Variants in CDC42SE2 observed in about 807,000 individuals in gnomAD.
The protein encoded by CDC42SE2 is CDC42 small effector 2, also known as CDC42 small effector protein 2.
Under a neutral mutation model 11.5 loss-of-function variants are expected in CDC42SE2, and 3 were observed. The observed-to-expected ratio is 0.26, with a 90% CI of 0.12 to 0.67. The LOEUF (loss-of-function observed/expected upper bound fraction) is 0.67. CDC42SE2 is among the 30% of genes least tolerant of loss of function. CDC42SE2 has a pLI of 0.80. For missense variants in CDC42SE2, 82 were observed against 106.8 expected, an observed-to-expected ratio of 0.77 and a Z score of 1.02; for synonymous variants, 33 against 34.8, an observed-to-expected ratio of 0.95 and a Z score of 0.18.
At chr5:131,261,379 A>G (rs748021593), upstream of CDC42SE2, 1 of 152,262 alleles carries the variant, frequency 6.6e-6, no homozygotes, top group Non-Finnish European at 1.5e-5. Flanking sequence ...ATTAACATTG[A>G]TGAAACACAT....
chr5:131,355,250 T>C (rs975657227), intron 2 of CDC42SE2, among the ~76,000 whole-genome samples: 1 of 152,130 alleles, frequency 6.6e-6, no homozygotes, highest in Non-Finnish European at 1.5e-5. Flanking sequence ...CAATGCAGTA[T>C]TTCATTTTAT....
chr5:131,383,533 TATA>T (rs762962694), intron 3 of CDC42SE2, among the ~76,000 whole-genome samples: 3 of 152,142 alleles, frequency 2.0e-5, no homozygotes, highest in South Asian at 2.1e-4. Flanking sequence ...AGTGAAAAAC[TATA>T]ATAATACAAC....
chr5:131,335,002 C>T (rs1325851883), intron 2 of CDC42SE2, among the ~76,000 whole-genome samples: 1 of 152,102 alleles, frequency 6.6e-6, no homozygotes, highest in Non-Finnish European at 1.5e-5. Context: ...TTCTTGCCTT[C>T]TTCTAGCTTT....
upstream of CDC42SE2, among the ~76,000 whole-genome samples, chr5:131,242,311 G>A (rs527290753): frequency 3.3e-5 from 5 of 152,234 alleles, no homozygotes; most frequent in South Asian, 4.1e-4. Context: ...AAGTGGTGAC[G>A]TTTGTAGTAA....
chr5:131,221,086 A>G, the CDC42SE2 span, among the ~76,000 whole-genome samples: 2 of 151,810 alleles, frequency 1.3e-5, no homozygotes, highest in African/African-American at 2.4e-5. Flanking sequence ...GGGTTTCACC[A>G]TGTTGACCAG....
intron 1 of CDC42SE2, among the ~76,000 whole-genome samples, chr5:131,306,272 A>G (rs1439454500): frequency 6.6e-6 from 1 of 152,168 alleles, no homozygotes; most frequent in Admixed American, 6.6e-5. Context: ...GAATAAACAT[A>G]GTATATCTAG....
At chr5:131,354,711 A>G (rs1330904376) in intron 2 of CDC42SE2, 1 of 152,208 alleles carries the variant, frequency 6.6e-6, no homozygotes, top group Non-Finnish European at 1.5e-5. Context: ...CTATAGCAGA[A>G]TAATGCTATT....
chr5:131,358,392 T>G (rs986485105), intron 2 of CDC42SE2, among the ~76,000 whole-genome samples: 2 of 152,186 alleles, frequency 1.3e-5, no homozygotes, highest in Non-Finnish European at 2.9e-5. Context: ...ACTTCTCTTT[T>G]GCCGCTGCTT....
the CDC42SE2 span, among the ~76,000 whole-genome samples, chr5:131,239,584 AT>A: frequency 6.6e-6 from 1 of 152,006 alleles, no homozygotes; most frequent in African/African-American, 2.4e-5. Context: ...GCCATTTTTT[AT>A]TGTGAACCTA....
At chr5:131,248,261 T>C (rs1301931685) in intron 1 of CDC42SE2, among the ~76,000 whole-genome samples, 2 of 152,162 alleles carry the variant, frequency 1.3e-5, no homozygotes, top group African/African-American at 4.8e-5. Context: ...TGCCTCAGCC[T>C]CCTGAGTAGC....
At chr5:131,258,592 GTACCCTAATT>G (rs1332774004) in intron 2 of CDC42SE2, among the ~76,000 whole-genome samples, 2 of 151,894 alleles carry the variant, frequency 1.3e-5, no homozygotes, top group African/African-American at 4.8e-5. Flanking sequence ...CAAGCTGCAT[GTACCCTAATT>G]TACCTCTCTC....
intron 1 of CDC42SE2, among the ~76,000 whole-genome samples, chr5:131,278,556 C>CA (rs1218789651): frequency 3.3e-5 from 5 of 151,148 alleles, no homozygotes; most frequent in African/African-American, 1.2e-4. Context: ...GGGACATTTA[C>CA]AGCATGGCAG....
intron 3 of CDC42SE2, among the ~76,000 whole-genome samples, chr5:131,365,023 C>T (rs1385089222): frequency 1.3e-5 from 2 of 152,228 alleles, no homozygotes; most frequent in East Asian, 3.8e-4. Flanking sequence ...GGTGCAGTGG[C>T]TTATGCCTGT....
the CDC42SE2 span, among the ~76,000 whole-genome samples, chr5:131,217,536 GA>G: frequency 1.3e-5 from 2 of 152,138 alleles, no homozygotes; most frequent in African/African-American, 4.8e-5. Context: ...ATCAACATGG[GA>G]AAAAATATTG....
rs199613215 is a variant in CDC42SE2, at chr5:131,307,313, G to A, written c.-454-8663G>A. ...TTCCCACCTATGAGTGAGAATATGC[G>A]GTGTTTGGTTTTTTGTTCTTGCGAT... On this transcript the variant is annotated intron_variant, in intron 1 of 4. Transcript: ENST00000505065. Among the ~76,000 whole-genome samples the A allele has an allele frequency of 1.4e-3, 204 of 147,902 alleles. 2 individuals are homozygous for A. The East Asian group carries it at 0.024, about 18-fold the overall frequency.
chr5:131,344,617 T>TA (rs1390235137), intron 2 of CDC42SE2, among the ~76,000 whole-genome samples: 2 of 152,060 alleles, frequency 1.3e-5, no homozygotes, highest in Non-Finnish European at 2.9e-5. Context: ...TCTGCACACT[T>TA]AAACGTCCCT....
intron 1 of CDC42SE2, among the ~76,000 whole-genome samples, chr5:131,271,107 G>GTGATACCTC (rs2149693679): frequency 6.6e-6 from 1 of 152,324 alleles, no homozygotes; most frequent in Non-Finnish European, 1.5e-5. Flanking sequence ...TATAATTCCT[G>GTGATACCTC]TGATACAGTT....
intron 1 of CDC42SE2, among the ~76,000 whole-genome samples, chr5:131,289,828 A>T (rs970166146): frequency 2.6e-5 from 4 of 152,094 alleles, no homozygotes; most frequent in Admixed American, 6.5e-5. Flanking sequence ...GAGATGAATA[A>T]GAGAAATGAC....
At chr5:131,253,872 T>C (rs997011956) in intron 1 of CDC42SE2, among the ~76,000 whole-genome samples, 14 of 152,348 alleles carry the variant, frequency 9.2e-5, no homozygotes, top group Admixed American at 9.2e-4. Flanking sequence ...TTGCGTTAGG[T>C]TTTTTTGGGA....
Sources: allele counts gnomAD v4.1 joint callset (sites outside exome capture counted in the v4.1 genomes callset), GRCh38; gene constraint gnomAD v4.1.1; transcripts MANE v1.5; gene names NCBI Gene and HGNC (gene_info 2026-07-23, HGNC 2026-07-21).